The following LRP5 variants were observed in gnomAD, a reference collection of about 807,000 sequenced individuals.
LRP5 encodes low-density lipoprotein receptor-related protein 5.
Under a neutral mutation model 154.1 loss-of-function variants are expected in LRP5, and 62 were observed. The ratio of observed to expected loss-of-function variants is 0.40; its 90% CI spans 0.33 to 0.50. The LOEUF (loss-of-function observed/expected upper bound fraction) is 0.50. LRP5 is among the 20% of genes least tolerant of loss of function. The pLI, the probability that LRP5 is intolerant of heterozygous loss-of-function variation, is 0.55. For missense variants in LRP5, 1,915 were observed against 2,336.7 expected, an observed-to-expected ratio of 0.82 and a Z score of 3.72; for synonymous variants, 966 against 1,011.5, an observed-to-expected ratio of 0.96 and a Z score of 0.85.
chr11:68,435,311 C>G (rs2098674261), intron 18 of LRP5, among the ~76,000 whole-genome samples: 2 of 152,310 alleles, frequency 1.3e-5, no homozygotes, highest in South Asian at 4.1e-4. Flanking sequence ...GAAGGAGCAC[C>G]TGAGGCCGGG....
chr11:68,413,630 G>C lies in LRP5; in HGVS notation c.2504-59G>C. On this transcript the variant is annotated intron_variant, in intron 11 of 22. Coordinates refer to ENST00000294304, the MANE Select transcript of LRP5 (RefSeq NM_002335.4). This position sits in a 1 kb window ranked among gnomAD's most constrained non-coding sequence, Gnocchi z 5.1. ...ACCCTGGCTCACCCCGCAGGGCGCCGTGTGCTCTGTGGCCTGGCTGTGCCT... is the reference window on the plus strand; with the variant it reads ...ACCCTGGCTCACCCCGCAGGGCGCCCTGTGCTCTGTGGCCTGGCTGTGCCT... 1.3e-6 allele frequency: 2 copies of C among 1,500,032 alleles called. No homozygotes were observed. The highest frequency in any genetic ancestry group is 1.9e-6 in the Non-Finnish European group (2 of 1,078,386). The allele number at this position is 1,500,032 out of a possible 1,614,324, so 92.9% of individuals were successfully genotyped here.
chr11:68,330,421 C>T (rs1225373227), intron 1 of LRP5, among the ~76,000 whole-genome samples: 2 of 152,198 alleles, frequency 1.3e-5, no homozygotes, highest in African/African-American at 2.4e-5. Context: ...CATTAATAGC[C>T]TGGGTTTTGG....
chr11:68,411,697 C>T (rs185850900), intron 11 of LRP5, 77 bp downstream of exon 11: 23 of 1,467,722 alleles, frequency 1.6e-5, no homozygotes, highest in Middle Eastern at 2.3e-4. Flanking sequence ...CCTCGCCGCA[C>T]ATACCCTGTG....
chr11:68,315,609 T>C (rs557683828), intron 1 of LRP5, among the ~76,000 whole-genome samples: 29 of 152,254 alleles, frequency 1.9e-4, no homozygotes, highest in Non-Finnish European at 3.5e-4. Flanking sequence ...TATAATGCTG[T>C]TGCTGTTTTG....
At chr11:68,415,971 C>T (rs314749) in intron 12 of LRP5, among the ~76,000 whole-genome samples, 9,049 of 146,484 alleles carry the variant, frequency 0.062, 419 homozygotes, top group Non-Finnish European at 0.089. Context: ...AGGAGAATGG[C>T]GTGAACCCGA....
At position 68,350,058 on chromosome 11, in the gene LRP5, C is replaced by T. The variant is rs73513022; in HGVS notation, c.488+1815C>T. 3.6e-3 allele frequency among the ~76,000 whole-genome samples: 549 copies of T among 152,300 alleles called. 5 individuals are homozygous for T. Among genetic ancestry groups the T allele is most frequent in the African/African-American group, 0.013 (531 of 41,562 alleles). ...CTCAGCACTCCCAGCCTGGACCTCA[C>T]CGGTTGAGGGGCCGGCCTAGATCTT... On this transcript the variant is annotated intron_variant, in intron 2 of 22. Coordinates refer to ENST00000294304, the MANE Select transcript of LRP5 (RefSeq NM_002335.4).
At position 68,386,346 on chromosome 11, in the gene LRP5, G is replaced by A. The variant is rs1489569671; in HGVS notation, c.1046G>A (p.Arg349Gln). 2.5e-6 allele frequency: 4 copies of A among 1,613,072 alleles called. No individual in the cohort carries two copies. The highest frequency in any genetic ancestry group is 1.1e-5 in the South Asian group (1 of 91,078). Residue 349 changes from arginine to glutamine, a missense_variant, in exon 6 of 23, where the codon CGG (arginine) becomes CAG (glutamine). Transcript: ENST00000294304. The surrounding 1 kb of genome is among the most constrained non-coding windows in gnomAD (Gnocchi z 7.9). ...GAGGAGGTGCTGCTGCTGGCCCGGC[G>A]GACGGACCTACGGAGGATCTCGCTG... ...GAEEVLLLAR[R>Q]TDLRRISLDT...
At chr11:68,408,285 G>T (rs987096040) in intron 9 of LRP5, among the ~76,000 whole-genome samples, 20 of 115,288 alleles carry the variant, frequency 1.7e-4, no homozygotes, top group Non-Finnish European at 3.0e-4. Context: ...CAGGGTTTCC[G>T]CATGTTGCCC....
Position 68,413,233 on chromosome 11 carries a change from A to G in LRP5, c.2504-456A>G. On this transcript the variant is annotated intron_variant, in intron 11 of 22. Coordinates refer to ENST00000294304, the MANE Select transcript of LRP5 (RefSeq NM_002335.4). This position sits in a 1 kb window ranked among gnomAD's most constrained non-coding sequence, Gnocchi z 5.1. ...ACAGACTCAGATGAAAACCAGCAAA[A>G]GCCCTGGAAACTCATGTGACCCTGC... is the stretch of plus-strand genomic sequence containing the variant. The G allele has an allele frequency of 3.7e-6, 1 of 271,576 alleles. No individual in the cohort carries two copies. The highest frequency in any genetic ancestry group is 7.1e-6 in the Non-Finnish European group (1 of 140,334). The allele number at this position is 271,576 out of a possible 1,614,324, so 16.8% of individuals were successfully genotyped here. A position where few individuals can be genotyped will look rare whatever the true frequency, so the allele number is the denominator to read the frequency against.
At chr11:68,354,630 G>C (rs1001425912) in intron 2 of LRP5, among the ~76,000 whole-genome samples, 1 of 152,210 alleles carries the variant, frequency 6.6e-6, no homozygotes, top group African/African-American at 2.4e-5. Context: ...GGAGTCCCAG[G>C]CTGCCAGGAA....
At chr11:68,373,959 T>C (rs2098635872) in intron 5 of LRP5, among the ~76,000 whole-genome samples, 1 of 152,170 alleles carries the variant, frequency 6.6e-6, no homozygotes, top group Non-Finnish European at 1.5e-5. Flanking sequence ...CCCTGGCCGG[T>C]GGCTCTCAGA....
the LRP5 span, among the ~76,000 whole-genome samples, chr11:68,303,741 C>A: frequency 2.6e-4 from 39 of 152,328 alleles, no homozygotes; most frequent in African/African-American, 8.9e-4. Flanking sequence ...GATCTGCCCA[C>A]CTAGGCCTCC....
chr11:68,310,346 A>G (rs533186839), upstream of LRP5, among the ~76,000 whole-genome samples: 10 of 152,244 alleles, frequency 6.6e-5, no homozygotes, highest in East Asian at 1.5e-3. Flanking sequence ...TAACTACTAG[A>G]GACAGGCTCA....
At chr11:68,346,718 T>C (rs1413370104) in intron 1 of LRP5, among the ~76,000 whole-genome samples, 1 of 152,134 alleles carries the variant, frequency 6.6e-6, no homozygotes, top group Non-Finnish European at 1.5e-5. Flanking sequence ...GCTTCAGATG[T>C]TTTTTGGGGG....
At chr11:68,394,710 C>T (rs1035110757) in intron 7 of LRP5, among the ~76,000 whole-genome samples, 21 of 151,722 alleles carry the variant, frequency 1.4e-4, no homozygotes, top group Admixed American at 2.0e-4. Flanking sequence ...ATGATCCGCC[C>T]GTCTCGGCCT....
At chr11:68,364,827 G>A (rs934757743) in intron 4 of LRP5, among the ~76,000 whole-genome samples, 22 of 152,154 alleles carry the variant, frequency 1.4e-4, no homozygotes, top group Admixed American at 4.6e-4. Flanking sequence ...GAAAGTCGTG[G>A]TCACAAAACC....
Position 68,409,916 on chromosome 11 carries a change from C to G in LRP5, c.2094C>G (p.Thr698=). The change falls in exon 10 of 23, where the codon ACC becomes ACG. Residue 698 remains threonine (T), a splice_region_variant and synonymous_variant. Coordinates refer to ENST00000294304, the MANE Select transcript of LRP5 (RefSeq NM_002335.4). ...HIYWTDVSLK[T]ISRAFMNGSS... ...TTTTCCTCCTCACCTGCTGCCAGACCATCAGCCGCGCCTTCATGAACGGGA... is the reference window on the plus strand; with the variant it reads ...TTTTCCTCCTCACCTGCTGCCAGACGATCAGCCGCGCCTTCATGAACGGGA... The G allele has an allele frequency of 6.2e-7, 1 of 1,612,970 alleles. No homozygotes were observed. Among genetic ancestry groups the G allele is most frequent in the South Asian group, 1.1e-5 (1 of 91,036 alleles).
At chr11:68,318,989 C>G (rs2098595109) in intron 1 of LRP5, among the ~76,000 whole-genome samples, 1 of 152,176 alleles carries the variant, frequency 6.6e-6, no homozygotes, top group Non-Finnish European at 1.5e-5. Context: ...ATCCTGAGGC[C>G]TCTGGATCGC....
chr11:68,398,384 G>A (rs2098650739), intron 7 of LRP5, among the ~76,000 whole-genome samples: 1 of 152,242 alleles, frequency 6.6e-6, no homozygotes, highest in Non-Finnish European at 1.5e-5. Flanking sequence ...GGTCAGGGGG[G>A]CGTGCGCCTG....
Sources: allele counts gnomAD v4.1 joint callset (sites outside exome capture counted in the v4.1 genomes callset), GRCh38; gene constraint gnomAD v4.1.1; non-coding constraint Gnocchi (gnomAD v3.1); transcripts MANE v1.5; gene names NCBI Gene and HGNC (gene_info 2026-07-23, HGNC 2026-07-21).